Variants in ASIC2 observed in about 807,000 individuals in gnomAD.
ASIC2 encodes the protein acid-sensing ion channel 2.
A neutral mutation model predicts 57.3 loss-of-function variants in ASIC2; 25 were observed. The observed-to-expected ratio is 0.44, with a 90% CI of 0.32 to 0.61. ASIC2 has a LOEUF of 0.61. Among genes scored for constraint, ASIC2 ranks in the 20% least tolerant of loss-of-function variants. ASIC2 has a pLI of 0.06. For missense variants in ASIC2, 641 were observed against 738.1 expected (o/e 0.87, Z 1.52); for synonymous variants, 319 against 307.5 (o/e 1.04, Z -0.39).
intron 1 of ASIC2, among the ~76,000 whole-genome samples, chr17:34,152,403 T>G (rs1598049452): frequency 6.6e-6 from 1 of 152,166 alleles, no homozygotes; most frequent in African/African-American, 2.4e-5. Context: ...GGCCACCACC[T>G]GTCAGCAAGA....
intron 1 of ASIC2, among the ~76,000 whole-genome samples, chr17:33,387,573 C>G (rs1288009567): frequency 1.3e-5 from 2 of 152,246 alleles, no homozygotes; most frequent in East Asian, 3.8e-4. Context: ...GCCTGCGCCA[C>G]TCCCACTTTC....
intron 1 of ASIC2, among the ~76,000 whole-genome samples, chr17:33,882,468 C>A (rs1469740875): frequency 6.6e-6 from 1 of 152,180 alleles, no homozygotes; most frequent in African/African-American, 2.4e-5. Context: ...ACAGACACTT[C>A]TCAAAAGAAG....
At chr17:33,776,167 T>G (rs1167764713) in intron 1 of ASIC2, among the ~76,000 whole-genome samples, 2 of 151,158 alleles carry the variant, frequency 1.3e-5, no homozygotes, top group African/African-American at 2.4e-5. Context: ...ACTGAATGTC[T>G]GTGTCCCTGC....
rs144554982 is a variant in ASIC2, at chr17:33,483,518, C to T, written c.556-371451G>A. 6.2e-4 allele frequency among the ~76,000 whole-genome samples: 94 copies of T among 152,318 alleles called. 1 individual carries two copies. The East Asian group carries it at 0.013, about 21-fold the overall frequency. Reference sequence around the variant, plus strand: ...ACTGGCAGGTGGAGCGAGGTTTCTCCCCATTGTGGGCCGTTCTTAGCTATG... The same window carrying T: ...ACTGGCAGGTGGAGCGAGGTTTCTCTCCATTGTGGGCCGTTCTTAGCTATG... On this transcript the variant is annotated intron_variant, in intron 1 of 9. Transcript: ENST00000359872.
intron 1 of ASIC2, among the ~76,000 whole-genome samples, chr17:34,152,956 T>C (rs568232585): frequency 2.0e-5 from 3 of 152,326 alleles, no homozygotes; most frequent in Non-Finnish European, 4.4e-5. Flanking sequence ...TGAAATCAGA[T>C]TGTCCTAGTT....
chr17:33,975,479 C>A (rs1905353631), intron 1 of ASIC2, among the ~76,000 whole-genome samples: 1 of 152,012 alleles, frequency 6.6e-6, no homozygotes, highest in Admixed American at 6.6e-5. Flanking sequence ...AAAGTCAGAG[C>A]CAAAGACATG....
At chr17:34,069,455 A>T (rs1183872767) in intron 1 of ASIC2, 1 of 141,082 alleles carries the variant, frequency 7.1e-6, no homozygotes, top group Non-Finnish European at 1.5e-5. Flanking sequence ...TTTCAGAGAG[A>T]GAGAAATTAC....
chr17:33,590,288 C>T (rs1239119461), intron 1 of ASIC2, among the ~76,000 whole-genome samples: 1 of 152,150 alleles, frequency 6.6e-6, no homozygotes, highest in East Asian at 1.9e-4. Flanking sequence ...GTGCTTTATA[C>T]CTTTTAAGGC....
intron 1 of ASIC2, among the ~76,000 whole-genome samples, chr17:33,880,106 G>A (rs1234528006): frequency 6.6e-6 from 1 of 152,218 alleles, no homozygotes; most frequent in Non-Finnish European, 1.5e-5. Context: ...ATTTAAAGCA[G>A]TGTGTAGAGG....
intron 1 of ASIC2, among the ~76,000 whole-genome samples, chr17:33,630,634 G>A (rs1246912054): frequency 6.6e-6 from 1 of 151,738 alleles, no homozygotes; most frequent in African/African-American, 2.4e-5. Flanking sequence ...ACTCCCTGCT[G>A]TGTGGCCTTA....
intron 1 of ASIC2, among the ~76,000 whole-genome samples, chr17:33,532,679 C>G (rs570596421): frequency 6.6e-6 from 1 of 152,368 alleles, no homozygotes; most frequent in South Asian, 2.1e-4. Context: ...CATTGGTCCT[C>G]TTGACCCTGT....
At chr17:33,426,354 A>T (rs1236366295) in intron 1 of ASIC2, among the ~76,000 whole-genome samples, 1 of 152,232 alleles carries the variant, frequency 6.6e-6, no homozygotes, top group South Asian at 2.1e-4. Flanking sequence ...GAAGGTCTGC[A>T]GTAGAATGAT....
At chr17:33,722,260 G>A (rs1267037683) in intron 1 of ASIC2, among the ~76,000 whole-genome samples, 6 of 152,194 alleles carry the variant, frequency 3.9e-5, no homozygotes, top group Non-Finnish European at 8.8e-5. Context: ...CATGTAAGAT[G>A]TGACTTGGCT....
At chr17:34,122,257 T>G (rs934494995) in intron 1 of ASIC2, among the ~76,000 whole-genome samples, 3 of 152,152 alleles carry the variant, frequency 2.0e-5, no homozygotes, top group Non-Finnish European at 4.4e-5. Context: ...AGGCTGAGTC[T>G]CAACGAGATT....
rs1345437591 is a variant in ASIC2 at position 33,015,987 on chromosome 17, C to T, written c.1574G>A (p.Ser525Asn). ...DLLGKEEDEG[S>N]HDENVSTCDT... ...TGCTCTTACCACATTCTCATCGTGGCTCCCTTCGTCCTCCTCTTTGCCAAG... is the reference window on the plus strand; with the variant it reads ...TGCTCTTACCACATTCTCATCGTGGTTCCCTTCGTCCTCCTCTTTGCCAAG... Residue 525 changes from serine (S) to asparagine (N), a missense_variant, in exon 9 of 10, where the codon AGC (serine) becomes AAC (asparagine). Ser to Asn is a conservative substitution (Grantham distance 46). Around this residue, in one of 3 missense-constraint regions of ASIC2, gnomAD observed 252 missense variants for 319.8 expected, o/e 0.79. Transcript: ENST00000225823. 6.2e-7 allele frequency: 1 copy of T among 1,614,140 alleles called. No individual in the cohort carries two copies. The highest frequency in any genetic ancestry group is 8.5e-7 in the Non-Finnish European group (1 of 1,180,002).
intron 1 of ASIC2, among the ~76,000 whole-genome samples, chr17:33,413,983 T>A (rs1345700844): frequency 5.9e-5 from 9 of 152,184 alleles, no homozygotes; most frequent in Admixed American, 5.9e-4. Flanking sequence ...GGCAGGCAAG[T>A]TGCCTAAGGA....
At chr17:33,850,365 C>T (rs535486073) in intron 1 of ASIC2, among the ~76,000 whole-genome samples, 1 of 152,328 alleles carries the variant, frequency 6.6e-6, no homozygotes, top group South Asian at 2.1e-4. Context: ...GCCACATATC[C>T]TATTTGCTAT....
chr17:33,493,751 C>A (rs1003458068), intron 1 of ASIC2, among the ~76,000 whole-genome samples: 3 of 152,128 alleles, frequency 2.0e-5, no homozygotes, highest in Non-Finnish European at 4.4e-5. Flanking sequence ...CATTCTTACT[C>A]TCCCCTCCCT....
chr17:34,109,975 A>AGAGAT lies in ASIC2; in HGVS notation c.555+45998_555+46002dup, dbSNP rs148446002. On this transcript the variant is annotated intron_variant, in intron 1 of 9. Transcript: ENST00000359872. ...GTGTGTGAGAGAGAAAGAGAGAGAG[A>AGAGAT]GAGATGAGATGAGATGAGATGAGAT... Among the ~76,000 whole-genome samples the AGAGAT allele has an allele frequency of 1.1e-3, 160 of 151,908 alleles. 1 individual carries two copies. Among genetic ancestry groups the AGAGAT allele is most frequent in the African/African-American group, 3.2e-3 (134 of 41,374 alleles).
Sources: allele counts gnomAD v4.1 joint callset (sites outside exome capture counted in the v4.1 genomes callset), GRCh38; gene constraint gnomAD v4.1.1; regional missense constraint gnomAD v4.1.1; transcripts MANE v1.5; gene names NCBI Gene and HGNC (gene_info 2026-07-23, HGNC 2026-07-21).